Variants in NFIC observed in about 807,000 individuals in gnomAD.
The protein encoded by NFIC is nuclear factor I C, also known as nuclear factor 1 C-type.
In NFIC, 12 loss-of-function variants were observed where a neutral mutation model predicts 54.4. That is an observed-to-expected ratio of 0.22 (90% CI 0.14 to 0.36). The LOEUF is 0.36. NFIC is among the 10% of genes least tolerant of loss of function. The pLI is 1.00. For missense variants in NFIC, 575 were observed against 718.2 expected, an observed-to-expected ratio of 0.80 and a Z score of 2.28; for synonymous variants, 322 against 319.2, an observed-to-expected ratio of 1.01 and a Z score of -0.09.
intron 2 of NFIC, among the ~76,000 whole-genome samples, chr19:3,404,986 G>C (rs1355102492): frequency 6.6e-6 from 1 of 152,224 alleles, no homozygotes; most frequent in Non-Finnish European, 1.5e-5. Flanking sequence ...GTTCCGGGGC[G>C]GTGGTGGCCG....
intron 2 of NFIC, among the ~76,000 whole-genome samples, chr19:3,396,246 C>T (rs979648244): frequency 1.3e-5 from 2 of 151,188 alleles, no homozygotes; most frequent in African/African-American, 2.4e-5. Flanking sequence ...CTGAGGTATG[C>T]GGATCACGAG....
intron 2 of NFIC, among the ~76,000 whole-genome samples, chr19:3,383,218 C>G (rs1389904448): frequency 6.6e-6 from 1 of 152,110 alleles, no homozygotes; most frequent in African/African-American, 2.4e-5. Flanking sequence ...CCAGCAGAGG[C>G]CTGATGAGCC....
At chr19:3,419,445 G>C (rs2081918632) in intron 2 of NFIC, among the ~76,000 whole-genome samples, 1 of 151,996 alleles carries the variant, frequency 6.6e-6, no homozygotes, top group Non-Finnish European at 1.5e-5. Context: ...CTGCACTGCA[G>C]CCTGGGTGAC....
At chr19:3,417,792 A>ATTT (rs71164696) in intron 2 of NFIC, among the ~76,000 whole-genome samples, 3 of 132,580 alleles carry the variant, frequency 2.3e-5, no homozygotes, top group African/African-American at 5.6e-5. Flanking sequence ...CGCCCGGCTA[A>ATTT]TTTTTTTTTT....
At chr19:3,446,647 C>T (rs75834243) in intron 6 of NFIC, among the ~76,000 whole-genome samples, 3,779 of 152,316 alleles carry the variant, frequency 0.025, 82 homozygotes, top group Middle Eastern at 0.054. Flanking sequence ...CCCCAGGGCA[C>T]GCCTCCCTGA....
intron 2 of NFIC, among the ~76,000 whole-genome samples, chr19:3,393,085 T>C (rs1299175414): frequency 1.3e-5 from 2 of 151,964 alleles, no homozygotes; most frequent in Admixed American, 6.6e-5. Flanking sequence ...GGATTACAGG[T>C]GCCCGCCACC....
chr19:3,419,401 G>A (rs2081917873), intron 2 of NFIC, among the ~76,000 whole-genome samples: 1 of 152,022 alleles, frequency 6.6e-6, no homozygotes, highest in African/African-American at 2.4e-5. Context: ...TGGAGCCCAG[G>A]AGGTCCAGGC....
chr19:3,373,889 TTCACATG>T (rs2145446540), intron 1 of NFIC, among the ~76,000 whole-genome samples: 1 of 152,164 alleles, frequency 6.6e-6, no homozygotes, highest in African/African-American at 2.4e-5. Context: ...CTGGGAGCCG[TTCACATG>T]TCCACAGGCT....
intron 2 of NFIC, 54 bp from the exon 3 acceptor site, chr19:3,425,052 C>G: frequency 6.3e-7 from 1 of 1,589,892 alleles, no homozygotes; most frequent in South Asian, 1.1e-5. Flanking sequence ...ACTTCATCTG[C>G]TCCTGGGGTG....
chr19:3,421,127 C>T (rs1028081039), intron 2 of NFIC, among the ~76,000 whole-genome samples: 7 of 152,230 alleles, frequency 4.6e-5, no homozygotes, highest in South Asian at 2.1e-4. Flanking sequence ...CGGATGCATC[C>T]GAGGCCCCGC....
intron 2 of NFIC, among the ~76,000 whole-genome samples, chr19:3,405,914 T>C (rs904288039): frequency 1.3e-5 from 2 of 149,120 alleles, no homozygotes; most frequent in African/African-American, 2.5e-5. Flanking sequence ...CTTTTTCTTT[T>C]TCTTTCTTCC....
intron 1 of NFIC, 145 bp from the exon 2 acceptor site, chr19:3,381,567 C>T (rs2081208286): frequency 7.8e-7 from 1 of 1,279,888 alleles, no homozygotes; most frequent in African/African-American, 1.5e-5. Context: ...CACGGGTCCG[C>T]AGCGACCCCC....
rs139136597 is a variant in NFIC, at chr19:3,440,240, T to A, written c.958+5033T>A. On this transcript the variant is annotated intron_variant, in intron 6 of 10. Transcript: ENST00000443272. ...CGGGGCTGTCTTGGGCACTGTTGGG[T>A]GCTGTGCAGAGTTCATGGCCTCCAC... Among the ~76,000 whole-genome samples, 768 of 152,070 alleles carry A rather than the reference T, an allele frequency of 5.1e-3. 4 individuals are homozygous for A. The highest frequency in any genetic ancestry group is 0.014 in the South Asian group (69 of 4,814).
chr19:3,441,123 C>G (rs1183783470), intron 6 of NFIC, among the ~76,000 whole-genome samples: 1 of 152,204 alleles, frequency 6.6e-6, no homozygotes, highest in African/African-American at 2.4e-5. Flanking sequence ...CGCTTTTTCT[C>G]TATGTCCCTT....
intron 2 of NFIC, among the ~76,000 whole-genome samples, chr19:3,416,963 A>G (rs1338909631): frequency 1.3e-5 from 2 of 150,150 alleles, no homozygotes; most frequent in Non-Finnish European, 3.0e-5. Context: ...GGCTCACTGC[A>G]AGCTCCGCCT....
At chr19:3,443,457 C>G (rs914624105) in intron 6 of NFIC, among the ~76,000 whole-genome samples, 1 of 151,980 alleles carries the variant, frequency 6.6e-6, no homozygotes, top group African/African-American at 2.4e-5. Flanking sequence ...AAGTCTGCCC[C>G]CTGCTCACAA....
intron 6 of NFIC, among the ~76,000 whole-genome samples, chr19:3,444,655 A>T (rs1047630868): frequency 6.6e-6 from 1 of 152,204 alleles, no homozygotes; most frequent in East Asian, 1.9e-4. Flanking sequence ...CGGTGCCTGC[A>T]GGGATGTGGC....
intron 2 of NFIC, among the ~76,000 whole-genome samples, chr19:3,383,418 G>A (rs1462049685): frequency 6.6e-6 from 1 of 152,174 alleles, no homozygotes; most frequent in African/African-American, 2.4e-5. Flanking sequence ...GTGGAGATGA[G>A]AGGCCTGATG....
At position 3,369,683 on chromosome 19, in the gene NFIC, C is replaced by T. The variant is rs2080964459; in HGVS notation, c.30+3017C>T. On this transcript the variant is annotated intron_variant, in intron 1 of 10. Transcript: ENST00000443272. This position sits in a 1 kb window ranked among gnomAD's most constrained non-coding sequence, Gnocchi z 4.3. ...CTCTTAAGAGGAACTGTGTGGAGCCCATGGCTCCCATAAATCCTGCCGGCG... is the reference window on the plus strand; with the variant it reads ...CTCTTAAGAGGAACTGTGTGGAGCCTATGGCTCCCATAAATCCTGCCGGCG... 6.6e-6 allele frequency among the ~76,000 whole-genome samples: 1 copy of T among 152,088 alleles called. No individual in the cohort carries two copies. The highest frequency in any genetic ancestry group is 2.4e-5 in the African/African-American group (1 of 41,422).
Sources: allele counts gnomAD v4.1 joint callset (sites outside exome capture counted in the v4.1 genomes callset), GRCh38; gene constraint gnomAD v4.1.1; non-coding constraint Gnocchi (gnomAD v3.1); transcripts MANE v1.5; gene names NCBI Gene and HGNC (gene_info 2026-07-23, HGNC 2026-07-21).